Variants in FUT8 observed in about 807,000 individuals in gnomAD.
FUT8 encodes the protein alpha-(1,6)-fucosyltransferase.
Under a neutral mutation model 71.3 loss-of-function variants are expected in FUT8, and 29 were observed. The observed-to-expected ratio is 0.41, with a 90% CI of 0.30 to 0.55. The LOEUF (loss-of-function observed/expected upper bound fraction) is 0.55, where lower values mean the gene tolerates loss of function less well. Ranked by LOEUF, FUT8 falls within the 20% of genes least tolerant of loss-of-function variation. FUT8 has a pLI of 0.34. For synonymous variants in FUT8, 254 were observed against 239.3 expected, an observed-to-expected ratio of 1.06 and a Z score of -0.57; for missense variants, 544 against 702.1, an observed-to-expected ratio of 0.77 and a Z score of 2.55.
chr14:65,561,466 A>G lies in FUT8; in HGVS notation c.-98A>G, dbSNP rs906976780. The G allele has an allele frequency of 9.3e-7, 1 of 1,079,066 alleles. No homozygotes were observed. The highest frequency in any genetic ancestry group is 2.4e-5 in the East Asian group (1 of 42,136). 66.8% of individuals were successfully genotyped at this position (1,079,066 alleles called of 1,614,324 possible). On this transcript the variant is annotated 5_prime_UTR_variant, in exon 3 of 11. Coordinates refer to ENST00000673929, the MANE Select transcript of FUT8 (RefSeq NM_001371533.1). ...CTGAAGCATCATGTGTTGAAACAAC[A>G]GAAGTCTATTCACCTGTGCACTAAC...
At chr14:65,503,467 T>C (rs2066678859) in intron 2 of FUT8, among the ~76,000 whole-genome samples, 1 of 152,244 alleles carries the variant, frequency 6.6e-6, no homozygotes, top group South Asian at 2.1e-4. Flanking sequence ...AAACTTGTCA[T>C]TAAAACACAG....
chr14:65,652,859 C>T lies in FUT8; in HGVS notation c.598-16384C>T, dbSNP rs574026551. ...CTGGAATCATCTGAGAGCACATTCT[C>T]TTGGCTGATGCTGGAAAGAGCCAAA... On this transcript the variant is annotated intron_variant, in intron 6 of 10. Transcript: ENST00000673929. This position sits in a 1 kb window ranked among gnomAD's most constrained non-coding sequence, Gnocchi z 4.0. Among the ~76,000 whole-genome samples, 514 of 152,308 alleles carry T rather than the reference C, an allele frequency of 3.4e-3. 2 individuals are homozygous for T. Among genetic ancestry groups the T allele is most frequent in the African/African-American group, 0.012 (487 of 41,584 alleles).
At chr14:65,461,752 T>C (rs2065971997) in intron 2 of FUT8, among the ~76,000 whole-genome samples, 1 of 152,150 alleles carries the variant, frequency 6.6e-6, no homozygotes, top group Non-Finnish European at 1.5e-5. Flanking sequence ...ACAATGAGTA[T>C]TGCCAAGGAA....
intron 7 of FUT8, among the ~76,000 whole-genome samples, chr14:65,683,592 A>T (rs879506183): frequency 2.6e-5 from 4 of 152,202 alleles, no homozygotes; most frequent in Non-Finnish European, 5.9e-5. Context: ...ATTAAACTAC[A>T]TTGGGAGATG....
At chr14:65,595,810 C>T (rs760662682) in intron 3 of FUT8, among the ~76,000 whole-genome samples, 5 of 151,924 alleles carry the variant, frequency 3.3e-5, no homozygotes, top group South Asian at 4.1e-4. Context: ...GGGGTTTCAC[C>T]GTGTTAGCCA....
In FUT8 at chr14:65,667,253, T is replaced by A. The variant is rs74796593; in HGVS notation, c.598-1990T>A. Among the ~76,000 whole-genome samples, 494 of 152,226 alleles carry A rather than the reference T, an allele frequency of 3.2e-3. 3 individuals are homozygous for A. The East Asian group carries it at 0.035, about 11-fold the overall frequency. On this transcript the variant is annotated intron_variant, in intron 6 of 10. Transcript: ENST00000673929. ...AAACTACCTCTCTTTGCAGGCAATA[T>A]GATCCTAAACCTAGAAAATCCCATA...
At position 65,638,512 on chromosome 14, in the gene FUT8, G is replaced by C. The variant is rs1168554862; in HGVS notation, c.597+8906G>C. Among the ~76,000 whole-genome samples the C allele has an allele frequency of 6.6e-6, 1 of 151,890 alleles. No individual in the cohort carries two copies. Among genetic ancestry groups the C allele is most frequent in the Admixed American group, 6.6e-5 (1 of 15,256 alleles). ...TATTTCACTTTTTAAATGAGGATAG[G>C]GATTTTTTTTCATTCAAAAATAAGT... On this transcript the variant is annotated intron_variant, in intron 6 of 10. Coordinates refer to ENST00000673929, the MANE Select transcript of FUT8 (RefSeq NM_001371533.1). This position sits in a 1 kb window ranked among gnomAD's most constrained non-coding sequence, Gnocchi z 4.5.
intron 2 of FUT8, chr14:65,458,193 A>AAC (rs1555362470): frequency 2.0e-5 from 3 of 150,674 alleles, no homozygotes; most frequent in Admixed American, 6.8e-5. Flanking sequence ...AAAAAAAAAA[A>AAC]AACAAAAAAA....
intron 2 of FUT8, among the ~76,000 whole-genome samples, chr14:65,533,692 T>TGA (rs1884104156): frequency 1.3e-5 from 2 of 152,152 alleles, no homozygotes; most frequent in African/African-American, 4.8e-5. Flanking sequence ...TAGTAATTGG[T>TGA]GAGAGAGGGC....
the FUT8 span, among the ~76,000 whole-genome samples, chr14:65,377,235 G>A: frequency 6.6e-6 from 1 of 152,112 alleles, no homozygotes; most frequent in Admixed American, 6.6e-5. Flanking sequence ...TAGCTCCCTA[G>A]AGTATATTTT....
rs1423086084 is a variant in FUT8, at chr14:65,616,226, A to G, written c.335A>G (p.His112Arg). The G allele has an allele frequency of 2.5e-6, 4 of 1,606,524 alleles. No homozygotes were observed. The highest frequency in any genetic ancestry group is 1.7e-5 in the Admixed American group (1 of 58,124). ...TTGACTACAGGTCTGGGGAAGGATC[A>G]TGAAATCCTGAGGAGGAGGATTGAA... ...KQTRNGLGKDHEILRRRIENG... is the reference protein window; with the variant it reads ...KQTRNGLGKDREILRRRIENG... Residue 112 changes from histidine (H) to arginine (R), a missense_variant, in exon 5 of 11, where the codon CAT (histidine) becomes CGT (arginine). Coordinates refer to ENST00000673929, the MANE Select transcript of FUT8 (RefSeq NM_001371533.1).
the FUT8 span, among the ~76,000 whole-genome samples, chr14:65,381,703 C>T: frequency 6.6e-6 from 1 of 152,172 alleles, no homozygotes; most frequent in Admixed American, 6.5e-5. Context: ...AGGCTGACTA[C>T]TACACTGATA....
chr14:65,440,345 GT>G lies in FUT8; in HGVS notation c.-325-15262del, dbSNP rs559865972. Among the ~76,000 whole-genome samples, 460 of 142,802 alleles carry G rather than the reference GT, an allele frequency of 3.2e-3. 2 individuals carry two copies. Among genetic ancestry groups the G allele is most frequent in the Admixed American group, 4.4e-3 (63 of 14,212 alleles). The allele number at this position is 142,802 out of a possible 152,430, so 93.7% of individuals were successfully genotyped here. A position where few individuals can be genotyped will look rare whatever the true frequency, so the allele number is the denominator to read the frequency against. Reference sequence around the variant, plus strand: ...ATACTTGAAAATTGCTTAGAAAGTAGTTTTTTTTTTTTTTAAATTGAAATGG... The same window carrying G: ...ATACTTGAAAATTGCTTAGAAAGTAGTTTTTTTTTTTTTAAATTGAAATGG... On this transcript the variant is annotated intron_variant, in intron 1 of 10. Transcript: ENST00000673929.
chr14:65,616,995 T>G, intron 5 of FUT8: 1 of 1,356,132 alleles, frequency 7.4e-7, no homozygotes. Flanking sequence ...GGTGCTGTTG[T>G]ATTCATGCAG....
chr14:65,675,137 C>T (rs1892653426), intron 7 of FUT8, among the ~76,000 whole-genome samples: 1 of 152,162 alleles, frequency 6.6e-6, no homozygotes, highest in South Asian at 2.1e-4. Context: ...AGATAGAAGT[C>T]TATGGTATCT....
At chr14:65,436,273 G>C (rs2065557347) in intron 1 of FUT8, among the ~76,000 whole-genome samples, 1 of 151,928 alleles carries the variant, frequency 6.6e-6, no homozygotes, top group South Asian at 2.1e-4. Flanking sequence ...GCAAGACCCT[G>C]TCTCAAAACA....
chr14:65,582,921 A>T (rs1039632709), intron 3 of FUT8, among the ~76,000 whole-genome samples: 3 of 152,202 alleles, frequency 2.0e-5, no homozygotes, highest in African/African-American at 7.2e-5. Flanking sequence ...ATGCTGATCT[A>T]TGCCTGTTAT....
At chr14:65,621,200 C>CTT (rs1474999546) in intron 5 of FUT8, among the ~76,000 whole-genome samples, 5 of 151,696 alleles carry the variant, frequency 3.3e-5, no homozygotes, top group African/African-American at 1.2e-4. Flanking sequence ...CATTATGTTA[C>CTT]TTTATCAGCA....
intron 7 of FUT8, among the ~76,000 whole-genome samples, chr14:65,712,207 C>A (rs1049489516): frequency 4.0e-5 from 6 of 151,850 alleles, no homozygotes; most frequent in African/African-American, 1.5e-4. Flanking sequence ...ACTATGTGGT[C>A]GTGAATATGT....
Sources: allele counts gnomAD v4.1 joint callset (sites outside exome capture counted in the v4.1 genomes callset), GRCh38; gene constraint gnomAD v4.1.1; non-coding constraint Gnocchi (gnomAD v3.1); transcripts MANE v1.5; gene names NCBI Gene and HGNC (gene_info 2026-07-23, HGNC 2026-07-21).